B4GALNT2: variants seen among roughly 807,000 people sequenced by gnomAD.
B4GALNT2 encodes the protein N-acetylneuraminylgalactosylglucosyl-glucoside beta-1,4-N- acetylgalactosaminyltransferase 2.
In B4GALNT2, 42 loss-of-function variants were observed where a neutral mutation model predicts 51.1. The observed-to-expected ratio is 0.82, with a 90% CI of 0.64 to 1.06. The LOEUF is 1.06. Ranked by LOEUF, B4GALNT2 falls within the 50% of genes least tolerant of loss-of-function variation. The pLI is 0.00. For synonymous variants in B4GALNT2, 253 were observed against 251.7 expected, an observed-to-expected ratio of 1.01 and a Z score of -0.05; for missense variants, 602 against 633.6, an observed-to-expected ratio of 0.95 and a Z score of 0.54.
intron 3 of B4GALNT2, chr17:49,148,536 A>G: frequency 2.7e-6 from 1 of 374,614 alleles, no homozygotes; most frequent in Admixed American, 3.2e-5. Flanking sequence ...TAAGGTGGCA[A>G]GCACAATCTC....
chr17:49,166,333 T>A, intron 9 of B4GALNT2, 79 bp downstream of exon 9: 1 of 442,960 alleles, frequency 2.3e-6, no homozygotes, highest in Non-Finnish European at 3.1e-6. Flanking sequence ...GGAAGAAATA[T>A]ATAAGAGAAG....
intron 6 of B4GALNT2, 22 bp from the exon 7 acceptor site, chr17:49,160,533 A>G (rs777654820): frequency 6.2e-6 from 10 of 1,605,512 alleles, no homozygotes; most frequent in Admixed American, 1.7e-5. Context: ...TCCCTGTGCC[A>G]TTATCTTATT....
the B4GALNT2 span, among the ~76,000 whole-genome samples, chr17:49,125,987 G>T: frequency 1.3e-5 from 2 of 150,584 alleles, no homozygotes; most frequent in South Asian, 2.1e-4. Flanking sequence ...CCGCCACCCC[G>T]TCTGGGAGGT....
rs774318200 is a variant in B4GALNT2, at chr17:49,164,245, C to T, written c.924C>T (p.His308=). The T allele has an allele frequency of 2.5e-5, 41 of 1,612,910 alleles. No homozygotes were observed. The highest frequency in any genetic ancestry group is 1.6e-4 in the Middle Eastern group (1 of 6,084). The change falls in exon 8 of 11, where the codon CAC becomes CAT. Residue 308 remains histidine, a synonymous_variant. Coordinates refer to ENST00000393354, the MANE Select transcript of B4GALNT2 (RefSeq NM_001159387.2). ...AGCCCCTGGAAATTAAAGACAATCACGTGGAGTATTACACTATGCCCTTTG... is the reference window on the plus strand; with the variant it reads ...AGCCCCTGGAAATTAAAGACAATCATGTGGAGTATTACACTATGCCCTTTG... ...SQKPLEIKDN[H]VEYYTMPFGK...
chr17:49,166,164 C>T lies in B4GALNT2; in HGVS notation c.1005C>T (p.Tyr335=), dbSNP rs765685211. The T allele has an allele frequency of 4.2e-5, 68 of 1,613,958 alleles. No homozygotes were observed. In the East Asian group the frequency reaches 4.5e-4, roughly 11 times the overall value. The change falls in exon 9 of 11, where the codon TAC becomes TAT. Residue 335 remains tyrosine, a synonymous_variant. Transcript: ENST00000393354. The part of the protein sequence containing the change: ...NLAISQVTTK[Y]VLWVDDDFLF... ...CCATATCTCAGGTCACCACCAAATA[C>T]GTTCTCTGGGTGGACGATGATTTTC...
intron 1 of B4GALNT2, among the ~76,000 whole-genome samples, chr17:49,133,886 T>C (rs1221385968): frequency 6.6e-6 from 1 of 152,160 alleles, no homozygotes; most frequent in Non-Finnish European, 1.5e-5. Context: ...CACTCCAGCC[T>C]GGGCGACAGA....
In B4GALNT2 at chr17:49,152,791, T is replaced by A; in HGVS notation, c.354-9T>A. On this transcript the variant is annotated splice_polypyrimidine_tract_variant and intron_variant, in intron 3 of 10. Coordinates refer to ENST00000393354, the MANE Select transcript of B4GALNT2 (RefSeq NM_001159387.2). ...GCAGCTGCTGACGTTTCTGTTCTCC[T>A]TCCTGCAGAGAAGGGCTGCCCCGCC... 1 of 1,576,816 alleles carries A rather than the reference T, an allele frequency of 6.3e-7. No individual in the cohort carries two copies. The highest frequency in any genetic ancestry group is 1.2e-5 in the South Asian group (1 of 86,800).
chr17:49,126,654 T>C, the B4GALNT2 span, among the ~76,000 whole-genome samples: 41,086 of 107,262 alleles, frequency 0.38, 5,861 homozygotes, highest in Middle Eastern at 0.48. Context: ...TTCTTTCTTT[T>C]TTTTTTTTTT....
Position 49,169,612 on chromosome 17 carries a change from T to G in B4GALNT2, c.1405T>G (p.Ser469Ala). Residue 469 changes from serine to alanine, a missense_variant, in exon 11 of 11, where the codon TCA (serine) becomes GCA (alanine). Ser to Ala is a moderately conservative substitution (Grantham distance 99, BLOSUM62 1). Transcript: ENST00000393354. The stretch of plus-strand genomic sequence containing the variant: ...CCAGTCTCGGTCTCCAGTGGTGGAC[T>G]CAGAACTGGCTGCCCTAGAGAAGAC... ...GHQSRSPVVD[S>A]ELAALEKTYN... 2 of 1,613,348 alleles carry G rather than the reference T, an allele frequency of 1.2e-6. No individual in the cohort carries two copies.
chr17:49,165,988 C>T (rs536694076), intron 8 of B4GALNT2, 126 bp from the exon 9 acceptor site: 73 of 1,130,368 alleles, frequency 6.5e-5, no homozygotes, highest in African/African-American at 4.5e-4. Context: ...TGGATTCGCT[C>T]GCACCAATTC....
Position 49,166,127 on chromosome 17 carries a change from G to C in B4GALNT2, c.968G>C (p.Gly323Ala), listed in dbSNP as rs778691939. Residue 323 changes from glycine (G) to alanine (A), a missense_variant, in exon 9 of 11, where the codon GGT becomes GCT. Coordinates refer to ENST00000393354, the MANE Select transcript of B4GALNT2 (RefSeq NM_001159387.2). ...TMPFGKGWFA[G>A]RNLAISQVTT... ...TTTCATCTACAGGGTTGGTTTGCTGGTAGGAACCTGGCCATATCTCAGGTC... is the reference window on the plus strand; with the variant it reads ...TTTCATCTACAGGGTTGGTTTGCTGCTAGGAACCTGGCCATATCTCAGGTC... 1 of 1,613,988 alleles carries C rather than the reference G, an allele frequency of 6.2e-7. No individual in the cohort carries two copies. The highest frequency in any genetic ancestry group is 1.1e-5 in the South Asian group (1 of 91,056).
In B4GALNT2 at chr17:49,169,669, C is replaced by T. The variant is rs558063592; in HGVS notation, c.1462C>T (p.Arg488Trp). 220 of 1,608,210 alleles carry T rather than the reference C, an allele frequency of 1.4e-4. No individual in the cohort carries two copies. Among genetic ancestry groups the T allele is most frequent in the South Asian group, 1.3e-3 (122 of 90,572 alleles). ...TACATACCGGTCCAACACCCTCACC[C>T]GGGTCCAGTTCAAGCTGGCCCTCCA... Reference protein sequence around the residue: ...YNTYRSNTLTRVQFKLALHYF... With the variant: ...YNTYRSNTLTWVQFKLALHYF... Residue 488 changes from arginine to tryptophan, a missense_variant, in exon 11 of 11, where the codon CGG becomes TGG. Arg to Trp is a moderately radical substitution (Grantham distance 101). Transcript: ENST00000393354.
chr17:49,141,480 A>G, intron 2 of B4GALNT2, 33 bp downstream of exon 2: 1 of 1,593,514 alleles, frequency 6.3e-7, no homozygotes, highest in Non-Finnish European at 8.6e-7. Flanking sequence ...TTTCACCTTA[A>G]TGCACACATC....
chr17:49,174,442 G>T lies in B4GALNT2; in HGVS notation c.*4714G>T, dbSNP rs2042975632. The T allele has an allele frequency of 6.6e-6, 1 of 152,180 alleles. No individual in the cohort carries two copies. The highest frequency in any genetic ancestry group is 2.4e-5 in the African/African-American group (1 of 41,436). The allele number at this position is 152,180 out of a possible 1,614,324, so 9.4% of individuals were successfully genotyped here. A position where few individuals can be genotyped will look rare whatever the true frequency, so the allele number is the denominator to read the frequency against. On this transcript the variant is annotated 3_prime_UTR_variant, in exon 11 of 11. Coordinates refer to ENST00000393354, the MANE Select transcript of B4GALNT2 (RefSeq NM_001159387.2). ...ATTCACAGTCCTGCTCAGCTAAGGG[G>T]ATAGTAAAGAAACAGTCTTTTAAAT...
upstream of B4GALNT2, among the ~76,000 whole-genome samples, chr17:49,130,674 T>G (rs911058348): frequency 2.0e-4 from 31 of 152,122 alleles, no homozygotes; most frequent in Non-Finnish European, 7.4e-5. Flanking sequence ...TTACTCTTTA[T>G]GTATGAACAC....
At chr17:49,120,715 G>A in the B4GALNT2 span, among the ~76,000 whole-genome samples, 4 of 151,782 alleles carry the variant, frequency 2.6e-5, no homozygotes, top group Non-Finnish European at 5.9e-5. Context: ...TCTCCATGTC[G>A]GCCAGGCTGG....
At position 49,146,013 on chromosome 17, in the gene B4GALNT2, T is replaced by G. The variant is rs183898975; in HGVS notation, c.353+3841T>G. Among the ~76,000 whole-genome samples, 6 of 152,102 alleles carry G rather than the reference T, an allele frequency of 3.9e-5. No individual in the cohort carries two copies. In the East Asian group the frequency reaches 1.2e-3, roughly 29 times the overall value. On this transcript the variant is annotated intron_variant, in intron 3 of 10. Coordinates refer to ENST00000393354, the MANE Select transcript of B4GALNT2 (RefSeq NM_001159387.2). ...ATGTTGCGGGAACAGGAAGCAAAAA[T>G]TTTGCTAGTGGATCACTAGGGGTGA...
chr17:49,165,645 C>T lies in B4GALNT2; in HGVS notation c.955-469C>T, dbSNP rs962556503. On this transcript the variant is annotated intron_variant, in intron 8 of 10. Coordinates refer to ENST00000393354, the MANE Select transcript of B4GALNT2 (RefSeq NM_001159387.2). ...TTCCCACCCTTCCTCTCTCTTTCCCCCCACCTCTCTCTCTCCTTGCTACTC... is the reference window on the plus strand; with the variant it reads ...TTCCCACCCTTCCTCTCTCTTTCCCTCCACCTCTCTCTCTCCTTGCTACTC... 5.4e-5 allele frequency among the ~76,000 whole-genome samples: 8 copies of T among 147,382 alleles called. No homozygotes were observed. In the East Asian group the frequency reaches 1.2e-3, roughly 22 times the overall value.
At position 49,164,311 on chromosome 17, in the gene B4GALNT2, C is replaced by A. The variant is rs1300106071; in HGVS notation, c.954+36C>A. ...CTCAGATTGGGTGGCACCTGCATTC[C>A]AGGACAAGAGGGCCCCAGGGTCAGG... On this transcript the variant is annotated intron_variant, in intron 8 of 10. Transcript: ENST00000393354. 5.1e-6 allele frequency: 8 copies of A among 1,574,530 alleles called. No homozygotes were observed. In the East Asian group the frequency reaches 1.8e-4, roughly 35 times the overall value.
Sources: gnomAD v4.1 joint callset for allele counts (sites outside exome capture counted in the v4.1 genomes callset) on GRCh38, gnomAD v4.1.1 for gene constraint, MANE v1.5 for transcripts, NCBI Gene and HGNC (gene_info 2026-07-23, HGNC 2026-07-21) for gene names.